Variants in ADAMTS19 observed in about 807,000 individuals in gnomAD.
The protein encoded by ADAMTS19 is A disintegrin and metalloproteinase with thrombospondin motifs 19.
In ADAMTS19, 93 loss-of-function variants were observed where a neutral mutation model predicts 153.3. The observed-to-expected ratio is 0.61, with a 90% CI of 0.51 to 0.72. ADAMTS19 has a LOEUF of 0.72. ADAMTS19 is among the 30% of genes least tolerant of loss of function. ADAMTS19 has a pLI of 0.00. For synonymous variants in ADAMTS19, 600 were observed against 556.6 expected, an observed-to-expected ratio of 1.08 and a Z score of -1.10; for missense variants, 1,482 against 1,552.1, an observed-to-expected ratio of 0.95 and a Z score of 0.76.
At chr5:129,685,496 G>C (rs1043075856) in intron 18 of ADAMTS19, among the ~76,000 whole-genome samples, 3 of 152,042 alleles carry the variant, frequency 2.0e-5, no homozygotes, top group African/African-American at 7.2e-5. Context: ...GACTGACAAT[G>C]ATTGTTATAC....
At chr5:129,672,291 G>T (rs1355428770) in intron 16 of ADAMTS19, among the ~76,000 whole-genome samples, 1 of 152,068 alleles carries the variant, frequency 6.6e-6, no homozygotes, top group Non-Finnish European at 1.5e-5. Context: ...CACATTAGGG[G>T]GTAGGGTTTT....
chr5:129,702,941 A>AAAAAAAAAAAATATATATATATAT, intron 20 of ADAMTS19, among the ~76,000 whole-genome samples: 3 of 29,308 alleles, frequency 1.0e-4, no homozygotes, highest in African/African-American at 2.6e-4. Context: ...AAAAAAAAAA[A>AAAAAAAAAAAATATATATATATAT]ATATATATAT....
At chr5:129,655,472 C>A (rs532967000) in intron 14 of ADAMTS19, among the ~76,000 whole-genome samples, 1 of 152,298 alleles carries the variant, frequency 6.6e-6, no homozygotes, top group African/African-American at 2.4e-5. Flanking sequence ...CCATGACAGC[C>A]TTTAGGAAAC....
rs896048698 is a variant in ADAMTS19 at position 129,667,657 on chromosome 5, C to T, written c.2506+2078C>T. Among the ~76,000 whole-genome samples, 9 of 152,164 alleles carry T rather than the reference C, an allele frequency of 5.9e-5. No individual in the cohort carries two copies. The South Asian group carries it at 8.3e-4, about 14-fold the overall frequency. ...GAGATGCCTGCTCCACCTGCACTTT[C>T]GGCCATGATTGTAAGCTTCCTGAGG... is the stretch of plus-strand genomic sequence containing the variant. On this transcript the variant is annotated intron_variant, in intron 16 of 22. Transcript: ENST00000274487.
At chr5:129,485,313 G>A (rs1179688350) in intron 2 of ADAMTS19, among the ~76,000 whole-genome samples, 3 of 152,082 alleles carry the variant, frequency 2.0e-5, no homozygotes, top group Non-Finnish European at 4.4e-5. Context: ...GAAAATGAGA[G>A]CAAAATGTCT....
intron 7 of ADAMTS19, among the ~76,000 whole-genome samples, chr5:129,566,439 C>A (rs530230133): frequency 3.9e-5 from 6 of 152,146 alleles, no homozygotes; most frequent in Admixed American, 6.5e-5. Flanking sequence ...ACCTATAAAA[C>A]TTGAGAGAAT....
chr5:129,702,024 C>T (rs893385904), intron 20 of ADAMTS19, among the ~76,000 whole-genome samples: 4 of 152,062 alleles, frequency 2.6e-5, no homozygotes, highest in African/African-American at 9.7e-5. Context: ...ATCACCTGTG[C>T]AGGAAACTTA....
At chr5:129,469,700 T>C (rs1749996968) in intron 2 of ADAMTS19, among the ~76,000 whole-genome samples, 1 of 152,228 alleles carries the variant, frequency 6.6e-6, no homozygotes, top group African/African-American at 2.4e-5. Flanking sequence ...AAACAGTTCT[T>C]TGCTTCAAGG....
At chr5:129,669,908 T>C (rs1247653047) in intron 16 of ADAMTS19, among the ~76,000 whole-genome samples, 2 of 152,112 alleles carry the variant, frequency 1.3e-5, no homozygotes, top group Non-Finnish European at 2.9e-5. Flanking sequence ...TCTAACCTCA[T>C]CCCTTTGTGG....
chr5:129,484,909 G>A (rs1009409427), intron 2 of ADAMTS19, among the ~76,000 whole-genome samples: 2 of 152,002 alleles, frequency 1.3e-5, no homozygotes, highest in African/African-American at 2.4e-5. Context: ...GGTACTTTCA[G>A]TCTCTATTAT....
chr5:129,665,996 A>T (rs1382007104), intron 16 of ADAMTS19, among the ~76,000 whole-genome samples: 3 of 149,906 alleles, frequency 2.0e-5, no homozygotes, highest in Non-Finnish European at 3.0e-5. Context: ...TATATATAAA[A>T]TGATCGTTTC....
intron 20 of ADAMTS19, among the ~76,000 whole-genome samples, 200 bp downstream of exon 20, chr5:129,701,792 T>C (rs1429427948): frequency 3.9e-5 from 6 of 152,236 alleles, no homozygotes; most frequent in Non-Finnish European, 8.8e-5. Flanking sequence ...ATTCTATAAA[T>C]ATTGCAACAT....
At chr5:129,625,344 A>G (rs1751979875) in intron 10 of ADAMTS19, among the ~76,000 whole-genome samples, 1 of 152,204 alleles carries the variant, frequency 6.6e-6, no homozygotes, top group South Asian at 2.1e-4. Flanking sequence ...TCCTTTAGGT[A>G]TATACCCAGT....
At chr5:129,525,904 C>T (rs1425029226) in intron 3 of ADAMTS19, among the ~76,000 whole-genome samples, 1 of 151,894 alleles carries the variant, frequency 6.6e-6, no homozygotes, top group African/African-American at 2.4e-5. Context: ...TTTATTTTGC[C>T]ATTGATGTCA....
intron 15 of ADAMTS19, among the ~76,000 whole-genome samples, chr5:129,662,950 A>G (rs960168011): frequency 1.4e-5 from 2 of 139,212 alleles, no homozygotes; most frequent in African/African-American, 5.7e-5. Context: ...GCTGGAGTAC[A>G]GTGGCACAAT....
intron 21 of ADAMTS19, among the ~76,000 whole-genome samples, chr5:129,717,727 T>C (rs899332908): frequency 9.9e-5 from 15 of 152,280 alleles, no homozygotes; most frequent in African/African-American, 3.4e-4. Context: ...ATTTAAGAAT[T>C]TTCTCCTGAA....
chr5:129,508,871 TG>T (rs1751346189), intron 2 of ADAMTS19, among the ~76,000 whole-genome samples: 1 of 151,982 alleles, frequency 6.6e-6, no homozygotes, highest in African/African-American at 2.4e-5. Flanking sequence ...ACTAACTAAA[TG>T]AAGTTTATGT....
chr5:129,539,109 A>C (rs141228338), intron 6 of ADAMTS19, among the ~76,000 whole-genome samples: 265 of 152,244 alleles, frequency 1.7e-3, no homozygotes, highest in African/African-American at 6.1e-3. Flanking sequence ...TGGGAGGCAG[A>C]ATAATGTCCC....
chr5:129,672,003 G>A (rs1248950322), intron 16 of ADAMTS19, among the ~76,000 whole-genome samples: 1 of 152,128 alleles, frequency 6.6e-6, no homozygotes, highest in Non-Finnish European at 1.5e-5. Flanking sequence ...AAAGTGCCAT[G>A]GACTTTGTGG....
Sources: allele counts gnomAD v4.1 joint callset (sites outside exome capture counted in the v4.1 genomes callset), GRCh38; gene constraint gnomAD v4.1.1; transcripts MANE v1.5; gene names NCBI Gene and HGNC (gene_info 2026-07-23, HGNC 2026-07-21).